The following CTBP2 variants were observed in gnomAD, a reference collection of about 807,000 sequenced individuals.
CTBP2 encodes C-terminal binding protein 2.
A neutral mutation model predicts 80.3 loss-of-function variants in CTBP2; 30 were observed. That is an observed-to-expected ratio of 0.37 (90% confidence interval 0.28 to 0.51). CTBP2 has a LOEUF of 0.51. Ranked by LOEUF, CTBP2 falls within the 20% of genes least tolerant of loss-of-function variation. The pLI is 0.93. For synonymous variants in CTBP2, 594 were observed against 587.4 expected (o/e 1.01, Z -0.16); for missense variants, 1,212 against 1,375.3 (o/e 0.88, Z 1.88).
At chr10:125,149,580 C>T (rs1859444743) in intron 1 of CTBP2, among the ~76,000 whole-genome samples, 2 of 152,132 alleles carry the variant, frequency 1.3e-5, no homozygotes, top group South Asian at 2.1e-4. Flanking sequence ...ATCCACACCA[C>T]CCCCGGCCCC....
intron 1 of CTBP2, among the ~76,000 whole-genome samples, chr10:125,145,139 A>G (rs1441284811): frequency 6.6e-6 from 1 of 152,182 alleles, no homozygotes; most frequent in Admixed American, 6.5e-5. Context: ...TTCATGCCAA[A>G]TGTTCAATAA....
rs553177093 is a variant in CTBP2 at position 125,027,161 on chromosome 10, G to T, written c.599C>A (p.Ala200Glu). Residue 200 changes from alanine to glutamate, a missense_variant, in exon 1 of 9, where the codon GCG becomes GAG. Around this residue, in one of 3 missense-constraint regions of CTBP2, gnomAD observed 848 missense variants for 782.3 expected, o/e 1.08. Coordinates refer to ENST00000309035, the MANE Select transcript of CTBP2 (RefSeq NM_022802.3). ...GCTGAGGGGGTAGGCAGGCACCTCCGCCCCATACCTGGTGTCGGGCTGCTC... is the reference window on the plus strand; with the variant it reads ...GCTGAGGGGGTAGGCAGGCACCTCCTCCCCATACCTGGTGTCGGGCTGCTC... 3.7e-6 allele frequency: 6 copies of T among 1,604,788 alleles called. No individual in the cohort carries two copies. Among genetic ancestry groups the T allele is most frequent in the Admixed American group, 1.7e-5 (1 of 59,734 alleles).
At chr10:125,090,424 C>A in intron 2 of CTBP2, among the ~76,000 whole-genome samples, 1 of 142,244 alleles carries the variant, frequency 7.0e-6, no homozygotes, top group African/African-American at 2.6e-5. Flanking sequence ...TAAATGATTT[C>A]ATAGAAAAAA....
At chr10:125,159,404 GCCCGCCCGGCC>G (rs1393537427) in intron 1 of CTBP2, among the ~76,000 whole-genome samples, 1 of 143,846 alleles carries the variant, frequency 7.0e-6, no homozygotes, top group Admixed American at 6.9e-5. Flanking sequence ...GAAATGCCCG[GCCCGCCCGGCC>G]CCCGCCCGCG....
In CTBP2 at chr10:125,027,126, T is replaced by C; in HGVS notation, c.634A>G (p.Ser212Gly). 1.2e-6 allele frequency: 2 copies of C among 1,605,266 alleles called. No individual in the cohort carries two copies. The highest frequency in any genetic ancestry group is 2.2e-5 in the South Asian group (2 of 90,576). Reference sequence around the variant, plus strand: ...TCAATGGGTCTTTCGCTGATGTCGCTGAAGACCTGGCTGAGGGGGTAGGCA... The same window carrying C: ...TCAATGGGTCTTTCGCTGATGTCGCCGAAGACCTGGCTGAGGGGGTAGGCA... The change falls in exon 1 of 9, where the codon AGC (serine) becomes GGC (glycine). Residue 212 changes from serine (S) to glycine (G), a missense_variant. By Grantham distance (56) the Ser-to-Gly change is moderately conservative. This residue lies in a region of CTBP2 where 848 missense variants were observed against 782.3 expected (regional missense o/e 1.08). Coordinates refer to ENST00000309035, the MANE Select transcript of CTBP2 (RefSeq NM_022802.3).
chr10:125,014,959 G>A lies in CTBP2; in HGVS notation c.1678+11123C>T, dbSNP rs74617450. On this transcript the variant is annotated intron_variant, in intron 1 of 8. Coordinates refer to ENST00000309035, the MANE Select transcript of CTBP2 (RefSeq NM_022802.3). ...TAAAAACCAAGAAAAGTGAGCGTTC[G>A]TCAACCCAAGCTCCCCGTACCAGGC... Among the ~76,000 whole-genome samples, 459 of 152,304 alleles carry A rather than the reference G, an allele frequency of 3.0e-3. 3 individuals are homozygous for A. Among genetic ancestry groups the A allele is most frequent in the Non-Finnish European group, 4.0e-3 (270 of 68,028 alleles).
At chr10:125,058,467 G>A (rs938379628) in intron 2 of CTBP2, among the ~76,000 whole-genome samples, 5 of 152,132 alleles carry the variant, frequency 3.3e-5, no homozygotes, top group Non-Finnish European at 5.9e-5. Context: ...AGCGAGGCAT[G>A]GGCGTGTGTC....
intron 1 of CTBP2, among the ~76,000 whole-genome samples, chr10:125,134,862 C>T (rs1159949314): frequency 6.6e-6 from 1 of 151,416 alleles, no homozygotes; most frequent in Non-Finnish European, 1.5e-5. Context: ...ACCTACCCTG[C>T]TGCTTAGCTC....
At chr10:125,152,867 G>A (rs199813909) in intron 1 of CTBP2, among the ~76,000 whole-genome samples, 1 of 152,198 alleles carries the variant, frequency 6.6e-6, no homozygotes, top group African/African-American at 2.4e-5. Context: ...GCAATCCAGA[G>A]TGCGGACCAC....
intron 1 of CTBP2, among the ~76,000 whole-genome samples, chr10:125,114,085 G>T (rs1038498817): frequency 6.6e-6 from 1 of 152,198 alleles, no homozygotes. Flanking sequence ...TTCACCAGGG[G>T]ATATTTTCTT....
intron 1 of CTBP2, among the ~76,000 whole-genome samples, chr10:125,150,168 C>T (rs1406984237): frequency 2.0e-5 from 3 of 152,214 alleles, no homozygotes; most frequent in African/African-American, 7.2e-5. Flanking sequence ...CCAGAGGCAA[C>T]CAGAGTTGGG....
At chr10:125,002,631 AGAG>A (rs1442174255) in intron 3 of CTBP2, among the ~76,000 whole-genome samples, 1 of 152,178 alleles carries the variant, frequency 6.6e-6, no homozygotes, top group Non-Finnish European at 1.5e-5. Flanking sequence ...GGGGTGGTTT[AGAG>A]GACATGTGGC....
intron 1 of CTBP2, among the ~76,000 whole-genome samples, chr10:125,159,414 C>G (rs1861544728): frequency 6.9e-6 from 1 of 145,314 alleles, no homozygotes; most frequent in East Asian, 2.0e-4. Flanking sequence ...GCCCGCCCGG[C>G]CCCCGCCCGC....
chr10:125,076,567 G>A (rs1564861205), intron 2 of CTBP2, among the ~76,000 whole-genome samples: 1 of 152,148 alleles, frequency 6.6e-6, no homozygotes, highest in East Asian at 1.9e-4. Context: ...ACACAAAAGA[G>A]CACCTGGGAC....
chr10:125,027,090 C>G lies in CTBP2; in HGVS notation c.670G>C (p.Ala224Pro), dbSNP rs1046222105. 2 of 1,610,952 alleles carry G rather than the reference C, an allele frequency of 1.2e-6. No individual in the cohort carries two copies. The highest frequency in any genetic ancestry group is 1.1e-5 in the South Asian group (1 of 90,934). Residue 224 changes from alanine to proline, a missense_variant, in exon 1 of 9, where the codon GCC (alanine) becomes CCC (proline). Physicochemically the swap from Ala to Pro is conservative, Grantham distance 27. This residue lies in a region of CTBP2 where 848 missense variants were observed against 782.3 expected (regional missense o/e 1.08). Coordinates refer to ENST00000309035, the MANE Select transcript of CTBP2 (RefSeq NM_022802.3). Reference sequence around the variant, plus strand: ...AGGCACGTCGGGGCCACCTGTCTGGCAGGGGCAGGGTCAATGGGTCTTTCG... The same window carrying G: ...AGGCACGTCGGGGCCACCTGTCTGGGAGGGGCAGGGTCAATGGGTCTTTCG...
At chr10:125,067,305 GAC>G (rs1395690685) in intron 2 of CTBP2, among the ~76,000 whole-genome samples, 2 of 152,170 alleles carry the variant, frequency 1.3e-5, no homozygotes, top group Non-Finnish European at 2.9e-5. Flanking sequence ...TAAGGAGAAA[GAC>G]AGTGACATAC....
Position 125,010,748 on chromosome 10 carries a change from C to T in CTBP2, c.1679-7256G>A, listed in dbSNP as rs185405646. On this transcript the variant is annotated intron_variant, in intron 1 of 8. Transcript: ENST00000309035. Reference sequence around the variant, plus strand: ...GCATGAGGAGAGAATGAGAGAGCAGCGTGGTACAAAATGAGTGCCGGGGAA... The same window carrying T: ...GCATGAGGAGAGAATGAGAGAGCAGTGTGGTACAAAATGAGTGCCGGGGAA... 8.9e-4 allele frequency among the ~76,000 whole-genome samples: 135 copies of T among 152,268 alleles called. 1 individual carries two copies. Among genetic ancestry groups the T allele is most frequent in the Admixed American group, 3.4e-3 (52 of 15,296 alleles).
At chr10:125,069,002 C>G (rs982856532) in intron 2 of CTBP2, among the ~76,000 whole-genome samples, 3 of 152,154 alleles carry the variant, frequency 2.0e-5, no homozygotes, top group Non-Finnish European at 4.4e-5. Context: ...GCAGGGAGAT[C>G]AGCTACAGGA....
At chr10:125,088,215 G>A (rs1185623585) in intron 2 of CTBP2, 1 of 152,254 alleles carries the variant, frequency 6.6e-6, no homozygotes, top group African/African-American at 2.4e-5. Context: ...ACTGTACGAT[G>A]TCATTCAAGA....
Sources: allele counts gnomAD v4.1 joint callset (sites outside exome capture counted in the v4.1 genomes callset), GRCh38; gene constraint gnomAD v4.1.1; regional missense constraint gnomAD v4.1.1; transcripts MANE v1.5; gene names NCBI Gene and HGNC (gene_info 2026-07-23, HGNC 2026-07-21).